The following MTF2 variants were observed in gnomAD, a reference collection of about 807,000 sequenced individuals.
MTF2 encodes metal response element binding transcription factor 2, also known as metal-response element-binding transcription factor 2.
In MTF2, 11 loss-of-function variants were observed where a neutral mutation model predicts 79.5. That is an observed-to-expected ratio of 0.14 (90% confidence interval 0.09 to 0.23). The LOEUF (loss-of-function observed/expected upper bound fraction) is 0.23, where lower values mean the gene tolerates loss of function less well. Among genes scored for constraint, MTF2 ranks in the 10% least tolerant of loss-of-function variants. The probability of loss-of-function intolerance (pLI) is 1.00; values close to 1 mark genes in which losing one functional copy is unlikely to be tolerated. For missense variants in MTF2, 486 were observed against 711.2 expected, an observed-to-expected ratio of 0.68 and a Z score of 3.60; for synonymous variants, 208 against 232.8, an observed-to-expected ratio of 0.89 and a Z score of 0.97.
At chr1:93,089,877 C>T (rs759690242) in intron 1 of MTF2, among the ~76,000 whole-genome samples, 1 of 148,972 alleles carries the variant, frequency 6.7e-6, no homozygotes, top group Non-Finnish European at 1.5e-5. Flanking sequence ...CAGAGTCTCA[C>T]TCTGTCACCG....
At chr1:93,105,068 T>C (rs559768244) in intron 1 of MTF2, among the ~76,000 whole-genome samples, 157 of 134,872 alleles carry the variant, frequency 1.2e-3, no homozygotes, top group Middle Eastern at 5.0e-3. Flanking sequence ...GGCGTGAACC[T>C]GGGAGGCGGA....
At chr1:93,087,772 A>C (rs750590495) in intron 1 of MTF2, among the ~76,000 whole-genome samples, 2 of 152,202 alleles carry the variant, frequency 1.3e-5, no homozygotes, top group Non-Finnish European at 2.9e-5. Flanking sequence ...TCTCAGAAAT[A>C]GTATCACTTA....
intron 1 of MTF2, among the ~76,000 whole-genome samples, chr1:93,089,997 G>T (rs933075523): frequency 1.3e-5 from 2 of 151,736 alleles, no homozygotes; most frequent in Non-Finnish European, 2.9e-5. Context: ...TCTTTTTTGA[G>T]ATGGAGTCTC....
intron 1 of MTF2, among the ~76,000 whole-genome samples, chr1:93,096,027 GAGGTTCTGTAGAGCAAAGGAT>G (rs1655275520): frequency 6.6e-6 from 1 of 152,090 alleles, no homozygotes; most frequent in African/African-American, 2.4e-5. Context: ...TTAGTCTTTT[GAGGTTCTGTAGAGCAAAGGAT>G]TTGCTTCTCA....
chr1:93,107,962 T>A (rs1183525641), intron 1 of MTF2, among the ~76,000 whole-genome samples: 1 of 151,748 alleles, frequency 6.6e-6, no homozygotes, highest in East Asian at 1.9e-4. Context: ...TATTTTTTAA[T>A]TTTTTTAGAG....
At chr1:93,092,905 G>C (rs955865807) in intron 1 of MTF2, among the ~76,000 whole-genome samples, 1 of 152,080 alleles carries the variant, frequency 6.6e-6, no homozygotes, top group Admixed American at 6.6e-5. Context: ...TTTAGAGGCC[G>C]GGTGCGATGG....
chr1:93,119,825 G>T, intron 8 of MTF2: 1 of 155,028 alleles, frequency 6.5e-6, no homozygotes, highest in Non-Finnish European at 1.4e-5. Context: ...ACAAATCTTT[G>T]TTGTATTTTA....
chr1:93,114,342 C>G (rs1656161103), intron 3 of MTF2, among the ~76,000 whole-genome samples: 2 of 152,164 alleles, frequency 1.3e-5, no homozygotes, highest in African/African-American at 4.8e-5. Context: ...TAAAGTAGCT[C>G]TAGTGTTCAC....
At chr1:93,120,923 A>C in intron 9 of MTF2, 1 of 1,154,664 alleles carries the variant, frequency 8.7e-7, no homozygotes, top group Non-Finnish European at 1.1e-6. Flanking sequence ...TCATTTTCTG[A>C]AGTGAAAGTC....
intron 9 of MTF2, among the ~76,000 whole-genome samples, chr1:93,123,108 ATTAT>A (rs970380903): frequency 2.6e-5 from 4 of 151,928 alleles, no homozygotes; most frequent in African/African-American, 7.2e-5. Flanking sequence ...AATGCCATTA[ATTAT>A]TTTCAAAACA....
chr1:93,118,449 G>C lies in MTF2; in HGVS notation c.728+9G>C, dbSNP rs150266251. On this transcript the variant is annotated intron_variant, in intron 7 of 14. Coordinates refer to ENST00000370298, the MANE Select transcript of MTF2 (RefSeq NM_007358.4). ...ATGCTATTTGGAGACAGGTGAGAAGGGCATTTGAACTTTACTGGCTGATTT... is the reference window on the plus strand; with the variant it reads ...ATGCTATTTGGAGACAGGTGAGAAGCGCATTTGAACTTTACTGGCTGATTT... 6.4e-7 allele frequency: 1 copy of C among 1,559,128 alleles called. No individual in the cohort carries two copies. The highest frequency in any genetic ancestry group is 2.0e-5 in the Admixed American group (1 of 50,948).
intron 1 of MTF2, among the ~76,000 whole-genome samples, chr1:93,099,173 ACT>A (rs977922694): frequency 5.3e-5 from 8 of 152,180 alleles, no homozygotes; most frequent in East Asian, 1.9e-4. Flanking sequence ...GCAAAGCTGA[ACT>A]CTCTACAAAT....
intron 1 of MTF2, among the ~76,000 whole-genome samples, chr1:93,101,140 T>C (rs1278551690): frequency 2.6e-5 from 4 of 152,154 alleles, no homozygotes; most frequent in African/African-American, 7.2e-5. Context: ...GAATTAAACA[T>C]CCAGTTTTCA....
intron 1 of MTF2, among the ~76,000 whole-genome samples, chr1:93,085,745 C>T (rs745801850): frequency 2.6e-5 from 4 of 152,132 alleles, no homozygotes; most frequent in African/African-American, 4.8e-5. Context: ...GCCTTGGCCT[C>T]CTTAGGTGCT....
chr1:93,125,112 G>A (rs1396695775), intron 9 of MTF2, among the ~76,000 whole-genome samples: 2 of 151,878 alleles, frequency 1.3e-5, no homozygotes, highest in Admixed American at 1.3e-4. Flanking sequence ...CATTGCGATC[G>A]TCAGAAAGTA....
chr1:93,134,363 T>C (rs1647288905), intron 14 of MTF2, 168 bp downstream of exon 14: 1 of 572,332 alleles, frequency 1.7e-6, no homozygotes, highest in Non-Finnish European at 3.1e-6. Context: ...TAATATTCAT[T>C]TGAAATATTT....
At chr1:93,082,683 A>T (rs746366369) in intron 1 of MTF2, among the ~76,000 whole-genome samples, 3 of 152,128 alleles carry the variant, frequency 2.0e-5, no homozygotes, top group Non-Finnish European at 4.4e-5. Context: ...TTTTATTGAG[A>T]TATAATTTAT....
intron 1 of MTF2, among the ~76,000 whole-genome samples, chr1:93,101,878 C>T (rs967481476): frequency 5.3e-5 from 8 of 151,982 alleles, no homozygotes; most frequent in Admixed American, 1.3e-4. Flanking sequence ...ATGCCTGGCC[C>T]GTCTTAACCA....
chr1:93,133,661 T>G (rs1210021386), intron 11 of MTF2, 42 bp from the exon 12 acceptor site: 4 of 1,387,894 alleles, frequency 2.9e-6, no homozygotes, highest in Non-Finnish European at 4.0e-6. Context: ...GTCTTTGTTT[T>G]CTTTATGCAG....
Sources: allele counts gnomAD v4.1 joint callset (sites outside exome capture counted in the v4.1 genomes callset), GRCh38; gene constraint gnomAD v4.1.1; transcripts MANE v1.5; gene names NCBI Gene and HGNC (gene_info 2026-07-23, HGNC 2026-07-21).